LOC122526780: variants seen among roughly 807,000 people sequenced by gnomAD.
the LOC122526780 span, chr17:6,638,852 C>T: frequency 1.2e-4 from 19 of 153,042 alleles, no homozygotes; most frequent in Admixed American, 3.3e-4. Flanking sequence ...TTCCCCAAGG[C>T]CCTGGGTACC....
At chr17:6,637,579 T>G in the LOC122526780 span, 1 of 152,078 alleles carries the variant, frequency 6.6e-6, no homozygotes, top group Non-Finnish European at 1.5e-5. Flanking sequence ...GATGGTCCCC[T>G]CCCCCACAGA....
At chr17:6,638,026 T>A in the LOC122526780 span, 2 of 150,732 alleles carry the variant, frequency 1.3e-5, no homozygotes, top group Non-Finnish European at 1.5e-5. Flanking sequence ...AGAGTCAGTC[T>A]CCCCCCCAAG....
the LOC122526780 span, chr17:6,637,443 C>G: frequency 1.3e-5 from 2 of 152,386 alleles, no homozygotes; most frequent in Non-Finnish European, 2.9e-5. Context: ...CCCCAGAGCC[C>G]GTATCCCCTA....
At chr17:6,638,131 C>G in the LOC122526780 span, 2 of 152,880 alleles carry the variant, frequency 1.3e-5, no homozygotes, top group Non-Finnish European at 2.9e-5. Flanking sequence ...CCCGCCAGAC[C>G]ACAGCTTCTC....
At chr17:6,637,180 T>C in the LOC122526780 span, 1 of 152,412 alleles carries the variant, frequency 6.6e-6, no homozygotes, top group African/African-American at 2.4e-5. Context: ...GACACCCACG[T>C]CCGCTTCTGC....
Sources: gnomAD v4.1 joint callset for allele counts on GRCh38, gnomAD v4.1.1 for gene constraint, MANE v1.5 for transcripts.